Variants in SLC2A9 observed in about 807,000 individuals in gnomAD.
SLC2A9 encodes solute carrier family 2, facilitated glucose transporter member 9.
Under a neutral mutation model 50.6 loss-of-function variants are expected in SLC2A9, and 39 were observed. The observed-to-expected ratio is 0.77, with a 90% confidence interval of 0.60 to 1.01. The LOEUF (loss-of-function observed/expected upper bound fraction) is 1.01, where lower values mean the gene tolerates loss of function less well. Among genes scored for constraint, SLC2A9 ranks in the 50% least tolerant of loss-of-function variants. The pLI, the probability that SLC2A9 is intolerant of heterozygous loss-of-function variation, is 0.00. For missense variants in SLC2A9, 686 were observed against 677.6 expected (o/e 1.01, Z -0.14); for synonymous variants, 324 against 276.9 (o/e 1.17, Z -1.69).
In SLC2A9 at chr4:9,772,844, C is replaced by T. The variant is rs1233763854; in HGVS notation, n.182-1475G>A. 2.8e-5 allele frequency among the ~76,000 whole-genome samples: 4 copies of T among 145,264 alleles called. No homozygotes were observed. The East Asian group carries it at 8.0e-4, about 29-fold the overall frequency. Reference sequence around the variant, plus strand: ...TTTTTTATTTTTTTTTTATTATACTCTAAGTTTTAGGGTACATGTGCACAT... The same window carrying T: ...TTTTTTATTTTTTTTTTATTATACTTTAAGTTTTAGGGTACATGTGCACAT... On this transcript the variant is annotated intron_variant and non_coding_transcript_variant, in intron 1 of 1. Transcript: ENST00000508585.
At chr4:10,029,522 C>T (rs1013655366) in intron 1 of SLC2A9, among the ~76,000 whole-genome samples, 6 of 151,070 alleles carry the variant, frequency 4.0e-5, no homozygotes, top group African/African-American at 1.2e-4. Context: ...AGCCAGGCTC[C>T]TTGTTGGACA....
At chr4:9,928,658 C>T (rs528829436) in intron 6 of SLC2A9, among the ~76,000 whole-genome samples, 1 of 152,212 alleles carries the variant, frequency 6.6e-6, no homozygotes, top group African/African-American at 2.4e-5. Flanking sequence ...CGCTTGAACC[C>T]GGGAGGTGGA....
chr4:9,874,269 C>T (rs1201903381), intron 10 of SLC2A9, among the ~76,000 whole-genome samples: 1 of 152,136 alleles, frequency 6.6e-6, no homozygotes, highest in Non-Finnish European at 1.5e-5. Flanking sequence ...GCCCCTTTCT[C>T]AAATAAAATA....
chr4:9,994,961 G>A (rs914488375), intron 3 of SLC2A9, among the ~76,000 whole-genome samples: 4 of 152,150 alleles, frequency 2.6e-5, no homozygotes, highest in African/African-American at 9.7e-5. Flanking sequence ...ACCCTGGCCA[G>A]TGATGCCAAT....
intron 10 of SLC2A9, chr4:9,879,233 A>G: frequency 7.1e-6 from 7 of 985,402 alleles, no homozygotes; most frequent in Non-Finnish European, 8.4e-6. Context: ...GTTTCTAAGA[A>G]AGTCTCAAGA....
chr4:9,782,609 C>T, intron 3 of SLC2A9: 1 of 1,613,994 alleles, frequency 6.2e-7, no homozygotes, highest in Non-Finnish European at 8.5e-7. Context: ...GCTGGACCTG[C>T]CAAACAACCT....
At chr4:9,993,709 G>A (rs1015806672) in intron 3 of SLC2A9, among the ~76,000 whole-genome samples, 2 of 151,998 alleles carry the variant, frequency 1.3e-5, no homozygotes, top group East Asian at 1.9e-4. Flanking sequence ...AGAGGACAGA[G>A]GATGCTAAAT....
chr4:9,779,360 T>G (rs575297265), downstream of SLC2A9, among the ~76,000 whole-genome samples: 1 of 152,164 alleles, frequency 6.6e-6, no homozygotes, highest in South Asian at 2.1e-4. Context: ...TTGTCACATT[T>G]GTAATTGTGT....
At chr4:9,979,345 C>T (rs1408919093) in intron 5 of SLC2A9, among the ~76,000 whole-genome samples, 1 of 152,216 alleles carries the variant, frequency 6.6e-6, no homozygotes, top group Non-Finnish European at 1.5e-5. Context: ...TTGCCCCCTG[C>T]TGCTAGAATT....
At chr4:9,799,692 A>ACCCCCCCCCCCCCCCCCCCCCCCCCCC (rs57223650) in intron 3 of SLC2A9, among the ~76,000 whole-genome samples, 1 of 69,862 alleles carries the variant, frequency 1.4e-5, no homozygotes, top group Admixed American at 1.9e-4. Flanking sequence ...TTCCAATTGT[A>ACCCCCCCCCCCCCCCCCCCCCCCCCCC]CCCCCCCCCC....
At chr4:9,923,299 A>C (rs1184622122) in intron 6 of SLC2A9, among the ~76,000 whole-genome samples, 2 of 152,238 alleles carry the variant, frequency 1.3e-5, no homozygotes, top group African/African-American at 4.8e-5. Context: ...GCAAACATCC[A>C]GGCCAGAATG....
At chr4:9,867,781 G>A (rs183680623) in intron 10 of SLC2A9, among the ~76,000 whole-genome samples, 66 of 152,310 alleles carry the variant, frequency 4.3e-4, no homozygotes, top group African/African-American at 1.6e-3. Flanking sequence ...TGCTTAAAAC[G>A]ATGTAGGGGT....
chr4:9,981,282 G>A (rs1755787156), intron 4 of SLC2A9, among the ~76,000 whole-genome samples: 1 of 151,640 alleles, frequency 6.6e-6, no homozygotes, highest in Non-Finnish European at 1.5e-5. Flanking sequence ...GGTGGTGGTA[G>A]TAGTAATGGT....
intron 5 of SLC2A9, among the ~76,000 whole-genome samples, chr4:9,956,040 G>A (rs1162437412): frequency 2.0e-5 from 3 of 151,696 alleles, no homozygotes; most frequent in Non-Finnish European, 4.4e-5. Context: ...ACCATGCCCG[G>A]CTAATTTTTC....
intron 8 of SLC2A9, among the ~76,000 whole-genome samples, chr4:9,899,680 G>T (rs922197487): frequency 6.6e-6 from 1 of 152,144 alleles, no homozygotes; most frequent in Admixed American, 6.5e-5. Context: ...TATCTGTTTG[G>T]GCCAAAGGTG....
chr4:9,956,068 G>C (rs905994503), intron 5 of SLC2A9, among the ~76,000 whole-genome samples: 6 of 151,588 alleles, frequency 4.0e-5, no homozygotes, highest in African/African-American at 1.2e-4. Flanking sequence ...TAGTACAGAT[G>C]GGGTTTCACC....
At chr4:9,846,144 C>T (rs1209530818) in intron 10 of SLC2A9, among the ~76,000 whole-genome samples, 1 of 152,174 alleles carries the variant, frequency 6.6e-6, no homozygotes, top group Non-Finnish European at 1.5e-5. Flanking sequence ...GCTCCGAATC[C>T]AAGAGATCCG....
intron 10 of SLC2A9, among the ~76,000 whole-genome samples, chr4:9,882,326 G>T (rs576662754): frequency 1.1e-4 from 16 of 152,160 alleles, no homozygotes; most frequent in African/African-American, 3.9e-4. Context: ...ATTTCAAAAT[G>T]GGCATAATTC....
intron 8 of SLC2A9, among the ~76,000 whole-genome samples, chr4:9,890,938 A>C (rs1737288940): frequency 6.6e-6 from 1 of 152,192 alleles, no homozygotes; most frequent in African/African-American, 2.4e-5. Flanking sequence ...CAGCATTAAT[A>C]ACGAGCACTC....
Sources: gnomAD v4.1 joint callset for allele counts (sites outside exome capture counted in the v4.1 genomes callset) on GRCh38, gnomAD v4.1.1 for gene constraint, MANE v1.5 for transcripts, NCBI Gene and HGNC (gene_info 2026-07-23, HGNC 2026-07-21) for gene names.